Variants in FAS observed in about 807,000 individuals in gnomAD.
FAS encodes the protein Fas cell surface death receptor, also known as tumor necrosis factor receptor superfamily member 6.
FAS carries 5 observed loss-of-function variants against 33.2 expected under a neutral mutation model. The ratio of observed to expected loss-of-function variants is 0.15; its 90% CI spans 0.08 to 0.32. The LOEUF is 0.32. Among genes scored for constraint, FAS ranks in the 10% least tolerant of loss-of-function variants. The pLI is 1.00. For missense variants in FAS, 339 were observed against 386.0 expected, an observed-to-expected ratio of 0.88 and a Z score of 1.02; for synonymous variants, 131 against 130.7, an observed-to-expected ratio of 1.00 and a Z score of -0.01.
At chr10:88,995,849 A>G (rs1224375761) in intron 1 of FAS, among the ~76,000 whole-genome samples, 1 of 151,910 alleles carries the variant, frequency 6.6e-6, no homozygotes, top group Non-Finnish European at 1.5e-5. Flanking sequence ...GAAACAAAAA[A>G]TCATACCTTT....
At chr10:89,011,080 G>A in intron 6 of FAS, 4 of 526,700 alleles carry the variant, frequency 7.6e-6, no homozygotes, top group Non-Finnish European at 1.0e-5. Flanking sequence ...AGCAGAATTG[G>A]CCAAAAATCA....
At chr10:89,003,820 C>G (rs539165250) in intron 2 of FAS, among the ~76,000 whole-genome samples, 1 of 152,004 alleles carries the variant, frequency 6.6e-6, no homozygotes, top group Non-Finnish European at 1.5e-5. Flanking sequence ...ATTTCTTCAA[C>G]TTTGAGTAGA....
chr10:89,007,967 C>T lies in FAS; in HGVS notation c.334+130C>T, dbSNP rs567050515. ...ACACAGGAAAGGGAAGGACAGGTGG[C>T]TAGGGTACCGCAGAACCAGGTGCCG... is the stretch of plus-strand genomic sequence containing the variant. On this transcript the variant is annotated intron_variant, in intron 3 of 8. Coordinates refer to ENST00000652046, the MANE Select transcript of FAS (RefSeq NM_000043.6). 7.2e-5 allele frequency: 102 copies of T among 1,423,248 alleles called. No homozygotes were observed. In the African/African-American group the frequency reaches 1.3e-3, roughly 18 times the overall value. The allele number at this position is 1,423,248 out of a possible 1,614,324, so 88.2% of individuals were successfully genotyped here. A position where few individuals can be genotyped will look rare whatever the true frequency, so the allele number is the denominator to read the frequency against.
At chr10:89,006,678 T>A (rs1039914672) in intron 2 of FAS, among the ~76,000 whole-genome samples, 2 of 152,162 alleles carry the variant, frequency 1.3e-5, no homozygotes, top group Non-Finnish European at 2.9e-5. Context: ...TTGATATCAA[T>A]ATATTTATTT....
In FAS at chr10:89,008,028, T is replaced by C. The variant is rs559727135; in HGVS notation, c.334+191T>C. Among the ~76,000 whole-genome samples the C allele has an allele frequency of 1.6e-3, 238 of 152,300 alleles. 6 individuals carry two copies. The South Asian group carries it at 0.044, about 28-fold the overall frequency. On this transcript the variant is annotated intron_variant, in intron 3 of 8. Coordinates refer to ENST00000652046, the MANE Select transcript of FAS (RefSeq NM_000043.6). ...TGGTCTAGACCTTTATGAGTAAGTC[T>C]AGGCAATTCTTCCAGATATAGGAGA...
intron 2 of FAS, chr10:88,975,188 A>G (rs1846534460): frequency 6.6e-6 from 1 of 152,070 alleles, no homozygotes; most frequent in South Asian, 2.1e-4. Flanking sequence ...AGAGCAAACA[A>G]TGATACTGCC....
At chr10:89,007,168 G>T (rs1052458872) in intron 2 of FAS, among the ~76,000 whole-genome samples, 1 of 152,218 alleles carries the variant, frequency 6.6e-6, no homozygotes, top group African/African-American at 2.4e-5. Context: ...ACAACACTTC[G>T]TTAAAGATTT....
intron 2 of FAS, among the ~76,000 whole-genome samples, chr10:89,006,386 G>C (rs1156347760): frequency 1.3e-5 from 2 of 152,076 alleles, no homozygotes; most frequent in South Asian, 2.1e-4. Flanking sequence ...ATATTTACAT[G>C]TCATAATTTG....
Position 89,007,977 on chromosome 10 carries a change from G to A in FAS, c.334+140G>A, listed in dbSNP as rs111667735. On this transcript the variant is annotated intron_variant, in intron 3 of 8. Transcript: ENST00000652046. The stretch of plus-strand genomic sequence containing the variant: ...GGGAAGGACAGGTGGCTAGGGTACC[G>A]CAGAACCAGGTGCCGAGCTAACTAC... The A allele has an allele frequency of 4.7e-5, 61 of 1,305,926 alleles. 1 individual carries two copies. The highest frequency in any genetic ancestry group is 3.8e-4 in the African/African-American group (26 of 68,364). The allele number at this position is 1,305,926 out of a possible 1,614,324, so 80.9% of individuals were successfully genotyped here. A position where few individuals can be genotyped will look rare whatever the true frequency, so the allele number is the denominator to read the frequency against.
At chr10:88,999,813 A>C (rs1302882935) in intron 1 of FAS, among the ~76,000 whole-genome samples, 1 of 152,220 alleles carries the variant, frequency 6.6e-6, no homozygotes, top group Non-Finnish European at 1.5e-5. Flanking sequence ...CTCCTGTTGC[A>C]TTTTTGACAT....
chr10:88,996,887 T>C (rs1293977138), intron 1 of FAS, among the ~76,000 whole-genome samples: 1 of 152,188 alleles, frequency 6.6e-6, no homozygotes, highest in Non-Finnish European at 1.5e-5. Flanking sequence ...GGTTGCTTTA[T>C]TCTTGTATGA....
At chr10:88,967,420 G>A (rs1383936471) in intron 1 of FAS, among the ~76,000 whole-genome samples, 1 of 152,124 alleles carries the variant, frequency 6.6e-6, no homozygotes, top group African/African-American at 2.4e-5. Context: ...AAAATGAGAA[G>A]GATGTAACAC....
Position 89,013,386 on chromosome 10 carries a change from T to C in FAS, c.676+19T>C. The stretch of plus-strand genomic sequence containing the variant: ...TTATCTGGTAAGGCTTTTATCATTT[T>C]ATTTCATAGAGATGGCATCCTTTAG... On this transcript the variant is annotated intron_variant, in intron 8 of 8. Transcript: ENST00000652046. The C allele has an allele frequency of 3.1e-6, 5 of 1,610,906 alleles. No individual in the cohort carries two copies. The highest frequency in any genetic ancestry group is 4.2e-6 in the Non-Finnish European group (5 of 1,178,122).
chr10:88,984,674 C>T (rs1190251748), upstream of FAS, among the ~76,000 whole-genome samples: 2 of 152,274 alleles, frequency 1.3e-5, no homozygotes, highest in African/African-American at 4.8e-5. Context: ...CTCTTGACTT[C>T]TTATGTTTAG....
chr10:88,980,579 T>G (rs1038780690), intron 2 of FAS, among the ~76,000 whole-genome samples: 1 of 152,200 alleles, frequency 6.6e-6, no homozygotes, highest in South Asian at 2.1e-4. Context: ...TGCTATTCCC[T>G]GAGGCCTAAC....
upstream of FAS, among the ~76,000 whole-genome samples, chr10:88,984,259 G>A (rs780942082): frequency 1.4e-4 from 22 of 152,188 alleles, no homozygotes; most frequent in Non-Finnish European, 2.9e-4. Context: ...GTGCTGGAAG[G>A]AGTCAAGCTA....
rs1848795130 is a variant in FAS at position 89,016,085 on chromosome 10, G to A, written c.*1635G>A. 2.6e-5 allele frequency: 6 copies of A among 228,146 alleles called. No individual in the cohort carries two copies. The highest frequency in any genetic ancestry group is 1.6e-4 in the Admixed American group (3 of 18,212). 14.1% of individuals were successfully genotyped at this position (228,146 alleles called of 1,614,324 possible). On this transcript the variant is annotated 3_prime_UTR_variant, in exon 9 of 9. Transcript: ENST00000652046. ...TTTTATTATTAAGAAAGCCAAATGA[G>A]GATTTTGAAATATTCTTTCCTGCAT... is the stretch of plus-strand genomic sequence containing the variant.
intron 1 of FAS, among the ~76,000 whole-genome samples, chr10:88,998,248 T>C (rs2133439916): frequency 6.6e-6 from 1 of 152,198 alleles, no homozygotes; most frequent in Non-Finnish European, 1.5e-5. Context: ...TCACATTATC[T>C]TCCTCTGTTT....
intron 2 of FAS, 29 bp downstream of exon 2, chr10:89,003,223 C>T (rs2133472703): frequency 6.2e-7 from 1 of 1,613,392 alleles, no homozygotes; most frequent in South Asian, 1.1e-5. Flanking sequence ...CCAGAGATTA[C>T]AGTGAAAGTC....
Sources: allele counts gnomAD v4.1 joint callset (sites outside exome capture counted in the v4.1 genomes callset), GRCh38; gene constraint gnomAD v4.1.1; transcripts MANE v1.5; gene names NCBI Gene and HGNC (gene_info 2026-07-23, HGNC 2026-07-21).